Variants in LOC400499 observed in about 807,000 individuals in gnomAD.
the LOC400499 span, among the ~76,000 whole-genome samples, chr16:11,481,642 T>C: frequency 1.3e-5 from 2 of 151,706 alleles, no homozygotes; most frequent in African/African-American, 2.4e-5. Flanking sequence ...TTTTTATTTT[T>C]ATTTTTTTGA....
the LOC400499 span, among the ~76,000 whole-genome samples, chr16:11,464,308 G>A: frequency 2.6e-5 from 4 of 152,358 alleles, no homozygotes; most frequent in East Asian, 1.9e-4. Flanking sequence ...ACATTCGAGC[G>A]ATGGCTTTCT....
chr16:11,502,562 G>C, the LOC400499 span, among the ~76,000 whole-genome samples: 107 of 151,602 alleles, frequency 7.1e-4, no homozygotes, highest in African/African-American at 2.5e-3. Flanking sequence ...ATGAGTCTTA[G>C]CATATTTCAA....
chr16:11,446,901 C>T, the LOC400499 span: 3 of 1,534,648 alleles, frequency 2.0e-6, no homozygotes, highest in Non-Finnish European at 1.7e-6. Flanking sequence ...TGGGCAGGTG[C>T]AACGGGTGCC....
chr16:11,512,552 G>C, the LOC400499 span, among the ~76,000 whole-genome samples: 3 of 151,956 alleles, frequency 2.0e-5, no homozygotes, highest in African/African-American at 7.3e-5. Flanking sequence ...AGTGGGCCAG[G>C]ATCACGCCAC....
the LOC400499 span, among the ~76,000 whole-genome samples, chr16:11,471,036 G>T: frequency 1.2e-4 from 18 of 152,264 alleles, no homozygotes; most frequent in Admixed American, 2.0e-4. Flanking sequence ...ACTGCCAAGG[G>T]CCTGTGGGTC....
chr16:11,376,718 A>G, the LOC400499 span, among the ~76,000 whole-genome samples: 1 of 152,204 alleles, frequency 6.6e-6, no homozygotes, highest in African/African-American at 2.4e-5. Context: ...TTTTTCTATA[A>G]GTGAAGAAAA....
chr16:11,449,668 G>T, the LOC400499 span, among the ~76,000 whole-genome samples: 2 of 152,248 alleles, frequency 1.3e-5, no homozygotes, highest in Non-Finnish European at 2.9e-5. Context: ...GCGTGGCTGA[G>T]CCTCCAACCC....
At chr16:11,486,074 G>A in the LOC400499 span, among the ~76,000 whole-genome samples, 92 of 151,700 alleles carry the variant, frequency 6.1e-4, no homozygotes, top group African/African-American at 2.2e-3. Flanking sequence ...ATGGATGGAT[G>A]GATGTATGGA....
the LOC400499 span, among the ~76,000 whole-genome samples, chr16:11,483,517 G>C: frequency 6.6e-6 from 1 of 152,074 alleles, no homozygotes. Context: ...GTGAGTCTCA[G>C]AATAATTATG....
At chr16:11,526,927 G>A in the LOC400499 span, among the ~76,000 whole-genome samples, 2 of 152,164 alleles carry the variant, frequency 1.3e-5, no homozygotes, top group Non-Finnish European at 2.9e-5. Flanking sequence ...GAGCATGTGA[G>A]TGAGAGATGA....
chr16:11,383,775 AGGGTCTACC>A, the LOC400499 span: 3 of 1,232,090 alleles, frequency 2.4e-6, no homozygotes, highest in African/African-American at 4.7e-5. Flanking sequence ...GGAATGGTGT[AGGGTCTACC>A]TGAAATCAGG....
chr16:11,385,261 G>A, the LOC400499 span: 1 of 1,232,330 alleles, frequency 8.1e-7, no homozygotes, highest in South Asian at 4.1e-5. Flanking sequence ...TCCACGAACA[G>A]GGCTGTGAGC....
At chr16:11,392,842 T>C in the LOC400499 span, 2 of 975,668 alleles carry the variant, frequency 2.0e-6, no homozygotes. Context: ...CCCACCAGGT[T>C]TTTTCGTTTT....
At chr16:11,383,021 C>T in the LOC400499 span, among the ~76,000 whole-genome samples, 1 of 151,450 alleles carries the variant, frequency 6.6e-6, no homozygotes, top group Non-Finnish European at 1.5e-5. Context: ...CCTCAGGAAG[C>T]TTACAATCAT....
chr16:11,448,012 C>T, the LOC400499 span: 1 of 1,536,068 alleles, frequency 6.5e-7, no homozygotes, highest in South Asian at 1.2e-5. Context: ...CAACTGCAGG[C>T]CCCGAGGCTG....
the LOC400499 span, among the ~76,000 whole-genome samples, chr16:11,525,447 C>G: frequency 5.9e-5 from 9 of 152,080 alleles, no homozygotes; most frequent in African/African-American, 2.2e-4. Flanking sequence ...TTTGGCACAT[C>G]TAACAAAACC....
At chr16:11,515,361 C>A in the LOC400499 span, among the ~76,000 whole-genome samples, 2 of 151,956 alleles carry the variant, frequency 1.3e-5, no homozygotes, top group South Asian at 2.1e-4. Flanking sequence ...GAGGCTGAGA[C>A]AGGAGGATCG....
chr16:11,450,139 G>A, the LOC400499 span, among the ~76,000 whole-genome samples: 11 of 152,164 alleles, frequency 7.2e-5, no homozygotes, highest in Non-Finnish European at 1.5e-4. Flanking sequence ...GCATCACCCA[G>A]ACAGTCCACC....
chr16:11,433,217 A>G, the LOC400499 span, among the ~76,000 whole-genome samples: 1 of 152,178 alleles, frequency 6.6e-6, no homozygotes, highest in Non-Finnish European at 1.5e-5. Context: ...CCAACTCCTG[A>G]CCTACAACAA....
Sources: gnomAD v4.1 joint callset for allele counts (sites outside exome capture counted in the v4.1 genomes callset) on GRCh38, gnomAD v4.1.1 for gene constraint, MANE v1.5 for transcripts.